Variants in SOX5 observed in about 807,000 individuals in gnomAD.
The protein encoded by SOX5 is SRY-box transcription factor 5.
A neutral mutation model predicts 92.0 loss-of-function variants in SOX5; 9 were observed. The observed-to-expected ratio is 0.10, with a 90% CI of 0.06 to 0.17. The LOEUF is 0.17. Ranked by LOEUF, SOX5 falls within the 10% of genes least tolerant of loss-of-function variation. The pLI is 1.00. For missense variants in SOX5, 642 were observed against 944.5 expected (o/e 0.68, Z 4.20); for synonymous variants, 344 against 336.3 (o/e 1.02, Z -0.25).
chr12:23,554,201 T>C (rs563141382), intron 11 of SOX5, among the ~76,000 whole-genome samples: 4 of 152,276 alleles, frequency 2.6e-5, no homozygotes, highest in Non-Finnish European at 5.9e-5. Context: ...ATTGAGTATA[T>C]TGTTTTTGCT....
At position 24,221,135 on chromosome 12, in the gene SOX5, C is replaced by T. The variant is rs1024765200; in HGVS notation, c.-76-7718G>A. Among the ~76,000 whole-genome samples, 7 of 152,206 alleles carry T rather than the reference C, an allele frequency of 4.6e-5. 1 individual carries two copies. Among genetic ancestry groups the T allele is most frequent in the Admixed American group, 2.6e-4 (4 of 15,278 alleles). ...CAATATATCACATAACCTCTTCAAA[C>T]TATGCCTGTGTATCAATTCCCCATT... On this transcript the variant is annotated intron_variant, in intron 3 of 4. Coordinates refer to the SOX5 transcript ENST00000446891.
Position 24,239,889 on chromosome 12 carries a change from C to T in SOX5, c.-76-26472G>A, listed in dbSNP as rs139689457. ...ACCATTCTCTTTGAAGCCGATGTCC[C>T]AAGTATATATGTTTGATGAGGGTAC... is the stretch of plus-strand genomic sequence containing the variant. On this transcript the variant is annotated intron_variant, in intron 3 of 4. Coordinates refer to the SOX5 transcript ENST00000446891. Among the ~76,000 whole-genome samples the T allele has an allele frequency of 7.3e-3, 1,111 of 152,142 alleles. 11 individuals carry two copies. The highest frequency in any genetic ancestry group is 0.017 in the Middle Eastern group (5 of 294).
At chr12:24,196,695 G>A (rs1004474186) in intron 4 of SOX5, among the ~76,000 whole-genome samples, 2 of 152,140 alleles carry the variant, frequency 1.3e-5, no homozygotes, top group African/African-American at 4.8e-5. Context: ...CTTGAGCCCA[G>A]GAGTTCAAGA....
chr12:24,325,316 A>C (rs1314039249), intron 2 of SOX5, among the ~76,000 whole-genome samples: 2 of 152,204 alleles, frequency 1.3e-5, no homozygotes, highest in Non-Finnish European at 2.9e-5. Context: ...TTATGAGTGC[A>C]ATCTTTTATA....
chr12:24,063,638 T>G (rs1483035220), intron 4 of SOX5, among the ~76,000 whole-genome samples: 1 of 152,238 alleles, frequency 6.6e-6, no homozygotes, highest in Non-Finnish European at 1.5e-5. Context: ...GTTAGGAACA[T>G]GGCATATTAC....
intron 2 of SOX5, among the ~76,000 whole-genome samples, chr12:23,893,301 C>T (rs1032350716): frequency 2.0e-5 from 3 of 152,094 alleles, no homozygotes; most frequent in African/African-American, 7.2e-5. Context: ...TAAAAATTAG[C>T]TGGGCTTGGT....
chr12:24,240,043 A>C (rs1002224012), intron 3 of SOX5, among the ~76,000 whole-genome samples: 2 of 152,202 alleles, frequency 1.3e-5, no homozygotes, highest in Non-Finnish European at 2.9e-5. Context: ...CTATATAAAG[A>C]GATCCTTAAA....
At chr12:24,361,150 A>G (rs980125213) in intron 2 of SOX5, among the ~76,000 whole-genome samples, 2 of 151,954 alleles carry the variant, frequency 1.3e-5, no homozygotes, top group Non-Finnish European at 2.9e-5. Flanking sequence ...TGGCTCTCTC[A>G]AAAAAAAGTT....
chr12:24,132,985 A>C (rs1949788402), intron 4 of SOX5, among the ~76,000 whole-genome samples: 1 of 152,206 alleles, frequency 6.6e-6, no homozygotes, highest in African/African-American at 2.4e-5. Context: ...AGTAAAAGAT[A>C]AAGTCAACCT....
chr12:23,767,888 C>G (rs1330572078), intron 3 of SOX5, among the ~76,000 whole-genome samples: 1 of 151,732 alleles, frequency 6.6e-6, no homozygotes, highest in Non-Finnish European at 1.5e-5. Context: ...TCACCTAAAT[C>G]TTTCTCTTTC....
chr12:24,194,588 C>T (rs1956839473), intron 4 of SOX5, among the ~76,000 whole-genome samples: 1 of 151,940 alleles, frequency 6.6e-6, no homozygotes, highest in Admixed American at 6.6e-5. Flanking sequence ...CATCAGGAAA[C>T]TTTTTACTAA....
At chr12:23,624,484 T>G (rs1433395730) in intron 8 of SOX5, among the ~76,000 whole-genome samples, 4 of 152,218 alleles carry the variant, frequency 2.6e-5, no homozygotes, top group Non-Finnish European at 5.9e-5. Flanking sequence ...AGGAGTAATA[T>G]AGAGAGAAAA....
intron 3 of SOX5, among the ~76,000 whole-genome samples, chr12:23,819,432 AT>A (rs574535159): frequency 3.3e-5 from 5 of 151,876 alleles, no homozygotes; most frequent in Admixed American, 2.0e-4. Flanking sequence ...CTGCAAATTT[AT>A]TTTTTTTATT....
chr12:23,618,605 A>G (rs563329975), intron 8 of SOX5, among the ~76,000 whole-genome samples: 1 of 152,302 alleles, frequency 6.6e-6, no homozygotes, highest in South Asian at 2.1e-4. Flanking sequence ...CTCCATGACT[A>G]CGATATGTTA....
At chr12:23,646,936 G>C (rs1171720585) in intron 7 of SOX5, among the ~76,000 whole-genome samples, 1 of 152,088 alleles carries the variant, frequency 6.6e-6, no homozygotes, top group Admixed American at 6.6e-5. Flanking sequence ...GTTAATGTTG[G>C]TATTTTGACC....
chr12:24,065,263 G>C (rs1230453132), intron 4 of SOX5, among the ~76,000 whole-genome samples: 1 of 152,146 alleles, frequency 6.6e-6, no homozygotes, highest in African/African-American at 2.4e-5. Flanking sequence ...ACTCCTCAAA[G>C]ATGAGGGAAA....
chr12:23,679,097 T>C (rs796159736), intron 6 of SOX5, among the ~76,000 whole-genome samples: 86 of 152,294 alleles, frequency 5.6e-4, no homozygotes, highest in African/African-American at 1.9e-3. Flanking sequence ...AGATCCTGGA[T>C]GCATAATAAC....
chr12:23,553,280 G>A (rs1271865954), intron 11 of SOX5, among the ~76,000 whole-genome samples: 1 of 151,864 alleles, frequency 6.6e-6, no homozygotes, highest in East Asian at 1.9e-4. Context: ...ACAAATTCAG[G>A]TACTTTGTTA....
At chr12:24,408,639 C>G (rs1963483414) in intron 1 of SOX5, among the ~76,000 whole-genome samples, 1 of 152,194 alleles carries the variant, frequency 6.6e-6, no homozygotes, top group African/African-American at 2.4e-5. Context: ...ATCATACACT[C>G]AACAGAACTT....
Sources: allele counts gnomAD v4.1 joint callset (sites outside exome capture counted in the v4.1 genomes callset), GRCh38; gene constraint gnomAD v4.1.1; transcripts MANE v1.5; gene names NCBI Gene and HGNC (gene_info 2026-07-23, HGNC 2026-07-21).